Variants in CHSY3 observed in about 807,000 individuals in gnomAD.
CHSY3 encodes chondroitin sulfate synthase 3, also known as N-acetylgalactosaminyl-proteoglycan 3-beta-glucuronosyltransferase 3.
CHSY3 carries 35 observed loss-of-function variants against 67.2 expected under a neutral mutation model. That is an observed-to-expected ratio of 0.52 (90% CI 0.40 to 0.69). The LOEUF (loss-of-function observed/expected upper bound fraction) is 0.69, where lower values mean the gene tolerates loss of function less well. CHSY3 is among the 30% of genes least tolerant of loss of function. The pLI is 0.00. For missense variants in CHSY3, 1,069 were observed against 1,138.5 expected (o/e 0.94, Z 0.88); for synonymous variants, 474 against 434.7 (o/e 1.09, Z -1.12).
intron 2 of CHSY3, among the ~76,000 whole-genome samples, chr5:130,109,316 A>C (rs1329437758): frequency 6.6e-6 from 1 of 151,654 alleles, no homozygotes; most frequent in Non-Finnish European, 1.5e-5. Context: ...GAGAAGCACA[A>C]AAATGCCATA....
chr5:129,993,989 A>G (rs904526995), intron 2 of CHSY3, among the ~76,000 whole-genome samples: 2 of 152,196 alleles, frequency 1.3e-5, no homozygotes, highest in African/African-American at 4.8e-5. Flanking sequence ...TTGGCTGGAT[A>G]TGAAATTCTG....
intron 2 of CHSY3, among the ~76,000 whole-genome samples, chr5:130,109,603 C>T (rs910233766): frequency 1.1e-4 from 17 of 151,846 alleles, no homozygotes; most frequent in African/African-American, 4.1e-4. Context: ...TTTTTCTCAT[C>T]AATATAGAAT....
At chr5:129,959,826 C>T (rs1437113426) in intron 2 of CHSY3, among the ~76,000 whole-genome samples, 2 of 151,870 alleles carry the variant, frequency 1.3e-5, no homozygotes, top group African/African-American at 4.8e-5. Context: ...TTTCTTTTTC[C>T]TTTTATTGCA....
At chr5:129,911,180 G>T (rs944766484) in intron 2 of CHSY3, among the ~76,000 whole-genome samples, 2 of 151,668 alleles carry the variant, frequency 1.3e-5, no homozygotes, top group African/African-American at 2.4e-5. Flanking sequence ...ATATATAATT[G>T]TATAGTTTCC....
intron 2 of CHSY3, among the ~76,000 whole-genome samples, chr5:130,154,092 C>A (rs1769306961): frequency 6.6e-6 from 1 of 152,024 alleles, no homozygotes; most frequent in African/African-American, 2.4e-5. Flanking sequence ...AATTTTCATA[C>A]TTTTAGTAGA....
intron 2 of CHSY3, among the ~76,000 whole-genome samples, chr5:130,023,948 T>C (rs1328270426): frequency 2.0e-5 from 3 of 151,580 alleles, no homozygotes; most frequent in Non-Finnish European, 2.9e-5. Context: ...CAAAGGGAAA[T>C]ACAAGCTTTT....
chr5:130,024,137 C>CCAAA (rs1554077545), intron 2 of CHSY3, among the ~76,000 whole-genome samples: 1 of 110,030 alleles, frequency 9.1e-6, no homozygotes, highest in African/African-American at 3.5e-5. Flanking sequence ...GATTGATGGT[C>CCAAA]AAAAAAAAAA....
At chr5:130,104,563 G>T (rs1048188310) in intron 2 of CHSY3, among the ~76,000 whole-genome samples, 1 of 151,708 alleles carries the variant, frequency 6.6e-6, no homozygotes, top group Non-Finnish European at 1.5e-5. Context: ...GTCTCATAAC[G>T]TATTAGGTAA....
intron 2 of CHSY3, among the ~76,000 whole-genome samples, chr5:130,051,177 A>G (rs1045997763): frequency 6.6e-6 from 1 of 152,062 alleles, no homozygotes; most frequent in Non-Finnish European, 1.5e-5. Flanking sequence ...GGAGATGAGG[A>G]TGTGGTGGAG....
intron 2 of CHSY3, among the ~76,000 whole-genome samples, chr5:129,925,455 A>AT (rs1360966212): frequency 6.6e-6 from 1 of 152,152 alleles, no homozygotes; most frequent in Non-Finnish European, 1.5e-5. Flanking sequence ...CAGTTGACAA[A>AT]TAAAAATTGC....
intron 2 of CHSY3, among the ~76,000 whole-genome samples, chr5:129,939,983 A>C (rs547902028): frequency 6.6e-6 from 1 of 152,170 alleles, no homozygotes; most frequent in African/African-American, 2.4e-5. Flanking sequence ...TATGATTTCC[A>C]TATATTATAT....
At chr5:130,072,290 C>T (rs1766100016) in intron 2 of CHSY3, among the ~76,000 whole-genome samples, 1 of 151,970 alleles carries the variant, frequency 6.6e-6, no homozygotes, top group Admixed American at 6.6e-5. Flanking sequence ...TCAGGTCTTA[C>T]ATTTAAATCT....
chr5:130,153,650 C>T (rs1412596554), intron 2 of CHSY3, among the ~76,000 whole-genome samples: 1 of 152,174 alleles, frequency 6.6e-6, no homozygotes, highest in Non-Finnish European at 1.5e-5. Flanking sequence ...GATGTCACCT[C>T]TGCAAGTGCC....
intron 2 of CHSY3, among the ~76,000 whole-genome samples, chr5:129,981,498 A>G (rs568753729): frequency 2.8e-4 from 42 of 151,918 alleles, no homozygotes; most frequent in Non-Finnish European, 5.3e-4. Context: ...CCAAATCTAC[A>G]TACTTTTTAT....
In CHSY3 at chr5:129,925,981, T is replaced by C. The variant is rs547614795; in HGVS notation, c.1086+17621T>C. Reference sequence around the variant, plus strand: ...GGGCAGTTATGGATATTCTTTATTATTAAATGGCCAGTAAGAGGATAATGG... The same window carrying C: ...GGGCAGTTATGGATATTCTTTATTACTAAATGGCCAGTAAGAGGATAATGG... On this transcript the variant is annotated intron_variant, in intron 2 of 2. Transcript: ENST00000305031. Among the ~76,000 whole-genome samples, 12 of 152,234 alleles carry C rather than the reference T, an allele frequency of 7.9e-5. 1 individual carries two copies. Among genetic ancestry groups the C allele is most frequent in the African/African-American group, 2.9e-4 (12 of 41,574 alleles).
At chr5:130,083,780 C>T (rs930211098) in intron 2 of CHSY3, among the ~76,000 whole-genome samples, 1 of 151,934 alleles carries the variant, frequency 6.6e-6, no homozygotes, top group Non-Finnish European at 1.5e-5. Context: ...GGGTCATTAT[C>T]ATAAACAAAT....
intron 2 of CHSY3, among the ~76,000 whole-genome samples, chr5:129,980,604 A>G (rs1262684344): frequency 6.6e-6 from 1 of 152,280 alleles, no homozygotes; most frequent in Admixed American, 6.5e-5. Context: ...TTCACAGAGC[A>G]TAAGTTTTTA....
At chr5:130,143,800 ATATATGTGTG>A (rs1580777803) in intron 2 of CHSY3, among the ~76,000 whole-genome samples, 1 of 79,392 alleles carries the variant, frequency 1.3e-5, no homozygotes, top group Non-Finnish European at 2.3e-5. Context: ...ATATATATAT[ATATATGTGTG>A]TATATATATA....
intron 2 of CHSY3, among the ~76,000 whole-genome samples, chr5:129,920,491 A>C (rs1477306481): frequency 6.6e-6 from 1 of 152,038 alleles, no homozygotes; most frequent in Non-Finnish European, 1.5e-5. Flanking sequence ...TGATCCACCC[A>C]CCTTGGCCTC....
Sources: gnomAD v4.1 joint callset for allele counts (sites outside exome capture counted in the v4.1 genomes callset) on GRCh38, gnomAD v4.1.1 for gene constraint, MANE v1.5 for transcripts, NCBI Gene and HGNC (gene_info 2026-07-23, HGNC 2026-07-21) for gene names.